The following MERTK variants were observed in gnomAD, a reference collection of about 807,000 sequenced individuals.
MERTK encodes the protein MER proto-oncogene, tyrosine kinase, also known as tyrosine-protein kinase Mer.
Under a neutral mutation model 99.3 loss-of-function variants are expected in MERTK, and 69 were observed. That is an observed-to-expected ratio of 0.70 (90% CI 0.57 to 0.85). The LOEUF is 0.85. MERTK is among the 40% of genes least tolerant of loss of function. The probability of loss-of-function intolerance (pLI) is 0.00; values close to 1 mark genes in which losing one functional copy is unlikely to be tolerated. For missense variants in MERTK, 1,125 were observed against 1,249.4 expected (o/e 0.90, Z 1.50); for synonymous variants, 426 against 467.6 (o/e 0.91, Z 1.15).
chr2:112,008,810 A>T (rs1360122152), intron 14 of MERTK: 1 of 383,832 alleles, frequency 2.6e-6, no homozygotes, highest in Non-Finnish European at 4.9e-6. Flanking sequence ...AAGGTTATGC[A>T]TGAGTTAGAT....
chr2:111,999,976 A>AG (rs1459030976), intron 10 of MERTK, among the ~76,000 whole-genome samples: 19 of 152,284 alleles, frequency 1.2e-4, no homozygotes, highest in Non-Finnish European at 1.5e-5. Context: ...TCTCAAGGGT[A>AG]GGGAGGGTGT....
chr2:111,932,286 A>G (rs1218166876), intron 2 of MERTK, among the ~76,000 whole-genome samples: 1 of 152,110 alleles, frequency 6.6e-6, no homozygotes, highest in Non-Finnish European at 1.5e-5. Flanking sequence ...GGTTCATGCC[A>G]TTCTCCTGCC....
intron 15 of MERTK, among the ~76,000 whole-genome samples, chr2:112,018,746 C>G (rs766576765): frequency 6.6e-6 from 1 of 152,176 alleles, no homozygotes; most frequent in Non-Finnish European, 1.5e-5. Flanking sequence ...TTTTCTAACA[C>G]AGCAATCTAG....
At chr2:111,950,785 G>C (rs954311761) in intron 4 of MERTK, among the ~76,000 whole-genome samples, 22 of 152,080 alleles carry the variant, frequency 1.4e-4, no homozygotes, top group African/African-American at 4.8e-4. Flanking sequence ...GAATCCACTT[G>C]ACAATGTTTA....
intron 1 of MERTK, among the ~76,000 whole-genome samples, chr2:111,902,600 T>TC (rs1217665866): frequency 6.6e-6 from 1 of 152,088 alleles, no homozygotes; most frequent in African/African-American, 2.4e-5. Flanking sequence ...GGAACCTTTT[T>TC]CCCAAGATCT....
Position 112,003,906 on chromosome 2 carries a change from G to A in MERTK, c.1789G>A (p.Glu597Lys). The change falls in exon 13 of 19, where the codon GAG (glutamate) becomes AAG (lysine). Residue 597 changes from glutamate to lysine, a missense_variant and splice_region_variant. By Grantham distance (56) the Glu-to-Lys change is moderately conservative. Coordinates refer to ENST00000295408, the MANE Select transcript of MERTK (RefSeq NM_006343.3). ...LILGKILGEG[E>K]FGSVMEGNLK... ...ACAGGTGTTCTTTCACTTCACAGGA[G>A]AGTTTGGGTCTGTAATGGAAGGAAA... 6.2e-7 allele frequency: 1 copy of A among 1,612,718 alleles called. No homozygotes were observed.
intron 4 of MERTK, among the ~76,000 whole-genome samples, chr2:111,960,333 T>A (rs1685222481): frequency 6.6e-6 from 1 of 151,784 alleles, no homozygotes; most frequent in Non-Finnish European, 1.5e-5. Context: ...ATACAAAAAT[T>A]AACCGGGCGT....
In MERTK at chr2:111,982,910, T is replaced by C; in HGVS notation, c.1213T>C (p.Trp405Arg). The change falls in exon 8 of 19, where the codon TGG (tryptophan) becomes CGG (arginine). Residue 405 changes from tryptophan (W) to arginine (R), a missense_variant. Coordinates refer to ENST00000295408, the MANE Select transcript of MERTK (RefSeq NM_006343.3). ...NESSDNVDIR[W>R]MKPPTKQQDG... ...ATCTAGTGATAATGTGGACATCAGA[T>C]GGATGAAGCCTCCGACTAAGCAGCA... 1 of 1,614,158 alleles carries C rather than the reference T, an allele frequency of 6.2e-7. No homozygotes were observed. Among genetic ancestry groups the C allele is most frequent in the South Asian group, 1.1e-5 (1 of 91,084 alleles).
In MERTK at chr2:111,922,191, A is replaced by T. The variant is rs1222450355; in HGVS notation, c.62-6929A>T. On this transcript the variant is annotated intron_variant, in intron 1 of 18. Transcript: ENST00000295408. ...CCCTGCTCAACCCTCTTCCCACAGC[A>T]TGGAGGGACTCCAGGGCCAGGGAGG... 3.3e-5 allele frequency among the ~76,000 whole-genome samples: 5 copies of T among 152,142 alleles called. No homozygotes were observed. In the East Asian group the frequency reaches 9.6e-4, roughly 29 times the overall value.
chr2:111,928,824 C>T (rs1338951396), intron 1 of MERTK, among the ~76,000 whole-genome samples: 2 of 152,106 alleles, frequency 1.3e-5, no homozygotes, highest in Non-Finnish European at 1.5e-5. Flanking sequence ...TCATCACCTT[C>T]TTCTTATACT....
At chr2:111,927,558 C>G (rs1033650949) in intron 1 of MERTK, among the ~76,000 whole-genome samples, 1 of 152,104 alleles carries the variant, frequency 6.6e-6, no homozygotes, top group Non-Finnish European at 1.5e-5. Flanking sequence ...TATAGTACAA[C>G]CTACTCGGGA....
chr2:111,987,927 A>C (rs535031918), intron 8 of MERTK, among the ~76,000 whole-genome samples: 1 of 151,320 alleles, frequency 6.6e-6, no homozygotes, highest in Admixed American at 6.6e-5. Context: ...AAAGGTATAG[A>C]TCTTGGAAGT....
intron 7 of MERTK, among the ~76,000 whole-genome samples, chr2:111,981,050 G>T (rs188477941): frequency 6.6e-6 from 1 of 152,136 alleles, no homozygotes; most frequent in African/African-American, 2.4e-5. Flanking sequence ...GAAAGTGTGC[G>T]ACTGATTTCA....
At position 111,936,780 on chromosome 2, in the gene MERTK, G is replaced by T. The variant is rs887118919; in HGVS notation, c.482+7240G>T. Among the ~76,000 whole-genome samples the T allele has an allele frequency of 2.6e-5, 4 of 152,094 alleles. No individual in the cohort carries two copies. In the East Asian group the frequency reaches 5.8e-4, roughly 22 times the overall value. Reference sequence around the variant, plus strand: ...ATATCAGCTCGAAACTAGCATATCCGTTTGTCCAGGTTCCAGGACACTGCT... The same window carrying T: ...ATATCAGCTCGAAACTAGCATATCCTTTTGTCCAGGTTCCAGGACACTGCT... On this transcript the variant is annotated intron_variant, in intron 2 of 18. Transcript: ENST00000295408.
chr2:111,900,348 C>T (rs1270624382), intron 1 of MERTK, among the ~76,000 whole-genome samples: 1 of 152,198 alleles, frequency 6.6e-6, no homozygotes, highest in East Asian at 1.9e-4. Context: ...AGAACTAAAG[C>T]AGTTCTGTTC....
intron 15 of MERTK, among the ~76,000 whole-genome samples, chr2:112,014,645 TTTC>T (rs1408932179): frequency 6.6e-6 from 1 of 152,010 alleles, no homozygotes; most frequent in Non-Finnish European, 1.5e-5. Flanking sequence ...CTTTTTTTTT[TTTC>T]TTTTTGAGAC....
At chr2:111,927,200 C>T (rs1015343118) in intron 1 of MERTK, among the ~76,000 whole-genome samples, 1 of 152,294 alleles carries the variant, frequency 6.6e-6, no homozygotes, top group South Asian at 2.1e-4. Flanking sequence ...GAGGCAGTTC[C>T]CAAAGGCAAC....
chr2:111,909,838 G>A lies in MERTK; in HGVS notation c.61+11042G>A, dbSNP rs76798100. On this transcript the variant is annotated intron_variant, in intron 1 of 18. Coordinates refer to ENST00000295408, the MANE Select transcript of MERTK (RefSeq NM_006343.3). The stretch of plus-strand genomic sequence containing the variant: ...AATAAGCAGCCCAACCCTCAGTTCG[G>A]TCCGGGAACACTATGAAGAATGGTA... Among the ~76,000 whole-genome samples, 690 of 152,078 alleles carry A rather than the reference G, an allele frequency of 4.5e-3. 2 individuals are homozygous for A. Among genetic ancestry groups the A allele is most frequent in the Non-Finnish European group, 7.9e-3 (537 of 68,006 alleles).
intron 4 of MERTK, among the ~76,000 whole-genome samples, chr2:111,958,549 G>A (rs1010327790): frequency 1.3e-5 from 2 of 152,128 alleles, no homozygotes; most frequent in South Asian, 4.1e-4. Context: ...TTTGGCCTAT[G>A]GGCACCAACC....
Sources: allele counts gnomAD v4.1 joint callset (sites outside exome capture counted in the v4.1 genomes callset), GRCh38; gene constraint gnomAD v4.1.1; transcripts MANE v1.5; gene names NCBI Gene and HGNC (gene_info 2026-07-23, HGNC 2026-07-21).